Variants in FLNB observed in about 807,000 individuals in gnomAD.
The protein encoded by FLNB is filamin B.
FLNB carries 111 observed loss-of-function variants against 250.6 expected under a neutral mutation model. That is an observed-to-expected ratio of 0.44 (90% CI 0.38 to 0.52). FLNB has a LOEUF of 0.52. Among genes scored for constraint, FLNB ranks in the 20% least tolerant of loss-of-function variants. The probability of loss-of-function intolerance (pLI) is 0.00; values close to 1 mark genes in which losing one functional copy is unlikely to be tolerated. For synonymous variants in FLNB, 1,302 were observed against 1,372.1 expected (o/e 0.95, Z 1.13); for missense variants, 2,869 against 3,447.8 (o/e 0.83, Z 4.20).
chr3:58,072,312 G>C (rs1251865099), intron 1 of FLNB, among the ~76,000 whole-genome samples: 2 of 152,148 alleles, frequency 1.3e-5, no homozygotes, highest in Non-Finnish European at 2.9e-5. Context: ...AGGTGGTTAG[G>C]CGGACCTGGT....
chr3:58,106,502 C>T (rs2097260042), intron 11 of FLNB, among the ~76,000 whole-genome samples, 178 bp from the exon 12 acceptor site: 1 of 151,446 alleles, frequency 6.6e-6, no homozygotes. Flanking sequence ...ATTTTCCACC[C>T]CTTCCATCTC....
intron 2 of FLNB, 47 bp downstream of exon 2, chr3:58,077,341 G>A: frequency 3.1e-6 from 5 of 1,604,388 alleles, no homozygotes; most frequent in Non-Finnish European, 4.3e-6. Context: ...ATGGGGGTGT[G>A]TGGGTCCCAA....
At chr3:58,071,043 C>T (rs1216581402) in intron 1 of FLNB, among the ~76,000 whole-genome samples, 1 of 150,672 alleles carries the variant, frequency 6.6e-6, no homozygotes, top group Non-Finnish European at 1.5e-5. Flanking sequence ...GATCTCCTGG[C>T]TCAAGCAATC....
At chr3:58,073,176 T>TTTATTTATTTATTTATTTATTTAC (rs879445920) in intron 1 of FLNB, among the ~76,000 whole-genome samples, 7 of 151,802 alleles carry the variant, frequency 4.6e-5, no homozygotes, top group Admixed American at 4.6e-4. Flanking sequence ...TATTTATTTA[T>TTTATTTATTTATTTATTTATTTAC]TTACTTATTT....
At chr3:58,107,220 G>T (rs2097261136) in intron 12 of FLNB, among the ~76,000 whole-genome samples, 2 of 152,094 alleles carry the variant, frequency 1.3e-5, no homozygotes, top group Non-Finnish European at 2.9e-5. Context: ...TAGTAGAGAT[G>T]GGGTTTCACC....
chr3:58,138,204 T>C, intron 28 of FLNB, 78 bp from the exon 29 acceptor site: 1 of 1,592,732 alleles, frequency 6.3e-7, no homozygotes, highest in Non-Finnish European at 8.6e-7. Context: ...ACAGACAACA[T>C]GGATGGGTAT....
At chr3:58,102,485 G>T (rs768453277) in intron 9 of FLNB, 145 bp downstream of exon 9, 27 of 945,550 alleles carry the variant, frequency 2.9e-5, no homozygotes, top group Middle Eastern at 3.1e-4. Flanking sequence ...GCTCCTTGGG[G>T]AAGACGGCAG....
intron 35 of FLNB, 80 bp from the exon 36 acceptor site, chr3:58,148,569 T>C (rs576204015): frequency 1.5e-6 from 2 of 1,344,320 alleles, no homozygotes; most frequent in African/African-American, 2.9e-5. Context: ...AGAGGACATA[T>C]TTCTATTTCT....
rs922655202 is a variant in FLNB, at chr3:58,097,975, C to G, written c.1145C>G (p.Ala382Gly). The G allele has an allele frequency of 1.2e-6, 2 of 1,613,828 alleles. No individual in the cohort carries two copies. Among genetic ancestry groups the G allele is most frequent in the African/African-American group, 1.3e-5 (1 of 74,914 alleles). The change falls in exon 7 of 46, where the codon GCA becomes GGA. Residue 382 changes from alanine (A) to glycine (G), a missense_variant and splice_region_variant. By Grantham distance (60) the Ala-to-Gly change is moderately conservative. Transcript: ENST00000295956. Reference protein sequence around the residue: ...NKPTYFDIYTAGAGVGDIGVE... With the variant: ...NKPTYFDIYTGGAGVGDIGVE... Reference sequence around the variant, plus strand: ...CCCACCTACTTTGACATCTATACGGCAGGTAACGTGCCTCTCCTCCATGGA... The same window carrying G: ...CCCACCTACTTTGACATCTATACGGGAGGTAACGTGCCTCTCCTCCATGGA...
At chr3:58,117,531 G>C (rs114372417) in intron 18 of FLNB, among the ~76,000 whole-genome samples, 1,539 of 152,284 alleles carry the variant, frequency 0.01, 33 homozygotes, top group African/African-American at 0.034. Context: ...TGAATTGTTA[G>C]GGGCTGTGGG....
intron 18 of FLNB, among the ~76,000 whole-genome samples, chr3:58,117,095 G>C (rs886355765): frequency 3.3e-5 from 5 of 152,182 alleles, no homozygotes; most frequent in African/African-American, 1.2e-4. Context: ...GGTTTCAGAA[G>C]CATGTAGAGG....
chr3:58,071,531 G>A (rs757393102), intron 1 of FLNB, among the ~76,000 whole-genome samples: 5 of 151,970 alleles, frequency 3.3e-5, no homozygotes, highest in African/African-American at 7.2e-5. Context: ...CTCCTGCCTC[G>A]GCCTCCCAAA....
At chr3:58,093,633 T>TCACACA (rs3060336) in intron 4 of FLNB, among the ~76,000 whole-genome samples, 133 of 149,572 alleles carry the variant, frequency 8.9e-4, no homozygotes, top group Middle Eastern at 6.9e-3. Flanking sequence ...ATACTTATGT[T>TCACACA]CACACACACA....
chr3:58,148,176 C>T lies in FLNB; in HGVS notation c.5729-30C>T, dbSNP rs149090995. The stretch of plus-strand genomic sequence containing the variant: ...GTGAAGCCAGGGTAACCACATGTAA[C>T]GGGAGTCCTTTTTGGGGGATGTTTC... On this transcript the variant is annotated intron_variant, in intron 34 of 45. Transcript: ENST00000295956. 110 of 1,613,552 alleles carry T rather than the reference C, an allele frequency of 6.8e-5. 2 individuals carry two copies. The highest frequency in any genetic ancestry group is 5.7e-4 in the African/African-American group (43 of 75,038).
At chr3:58,029,766 G>A (rs2097128304) in intron 1 of FLNB, among the ~76,000 whole-genome samples, 1 of 151,970 alleles carries the variant, frequency 6.6e-6, no homozygotes, top group African/African-American at 2.4e-5. Context: ...GACCTCCCCG[G>A]CCTCCCAAAG....
chr3:58,124,078 G>T (rs2097293617), intron 21 of FLNB, among the ~76,000 whole-genome samples: 1 of 152,320 alleles, frequency 6.6e-6, no homozygotes, highest in East Asian at 1.9e-4. Flanking sequence ...CACACAGCAG[G>T]TTAGTCTTCA....
At chr3:58,024,459 C>T (rs1353000871) in intron 1 of FLNB, among the ~76,000 whole-genome samples, 7 of 152,084 alleles carry the variant, frequency 4.6e-5, no homozygotes, top group Admixed American at 1.3e-4. Flanking sequence ...TCTCCTTTCC[C>T]GTCTTTCACA....
chr3:58,080,494 A>AT (rs5849235), intron 3 of FLNB, among the ~76,000 whole-genome samples: 30,907 of 129,556 alleles, frequency 0.24, 6,921 homozygotes, highest in African/African-American at 0.58. Context: ...CCCATTCCCT[A>AT]TTTTTTTTTT....
intron 28 of FLNB, among the ~76,000 whole-genome samples, chr3:58,136,618 A>G (rs1575445121): frequency 6.6e-6 from 1 of 152,104 alleles, no homozygotes; most frequent in African/African-American, 2.4e-5. Flanking sequence ...TTCATCATGC[A>G]TATGTAAACC....
Sources: allele counts gnomAD v4.1 joint callset (sites outside exome capture counted in the v4.1 genomes callset), GRCh38; gene constraint gnomAD v4.1.1; transcripts MANE v1.5; gene names NCBI Gene and HGNC (gene_info 2026-07-23, HGNC 2026-07-21).